The following MRE11 variants were observed in gnomAD, a reference collection of about 807,000 sequenced individuals.
MRE11 encodes the protein MRE11 double strand break repair nuclease, also known as double-strand break repair protein MRE11.
A neutral mutation model predicts 91.7 loss-of-function variants in MRE11; 62 were observed. That is an observed-to-expected ratio of 0.68 (90% CI 0.55 to 0.84). The LOEUF (loss-of-function observed/expected upper bound fraction) is 0.84, where lower values mean the gene tolerates loss of function less well. Ranked by LOEUF, MRE11 falls within the 40% of genes least tolerant of loss-of-function variation. The probability of loss-of-function intolerance (pLI) is 0.00; values close to 1 mark genes in which losing one functional copy is unlikely to be tolerated. For synonymous variants in MRE11, 273 were observed against 271.4 expected, an observed-to-expected ratio of 1.01 and a Z score of -0.06; for missense variants, 796 against 852.9, an observed-to-expected ratio of 0.93 and a Z score of 0.83.
upstream of MRE11, among the ~76,000 whole-genome samples, chr11:94,494,826 G>T (rs13447576): frequency 3.7e-3 from 569 of 152,236 alleles, no homozygotes; most frequent in Non-Finnish European, 4.9e-3. Flanking sequence ...GTGGTATAAG[G>T]TTACTATATT....
At chr11:94,451,292 A>G (rs1317151074) in intron 14 of MRE11, among the ~76,000 whole-genome samples, 2 of 152,182 alleles carry the variant, frequency 1.3e-5, no homozygotes, top group Non-Finnish European at 2.9e-5. Context: ...AAGGTGGGAA[A>G]AAAACAGGTT....
At chr11:94,450,000 TTCAAATGACCCCC>T (rs1946056056) in intron 14 of MRE11, among the ~76,000 whole-genome samples, 1 of 152,190 alleles carries the variant, frequency 6.6e-6, no homozygotes, top group Admixed American at 6.5e-5. Flanking sequence ...ATGTGGTGTT[TTCAAATGACCCCC>T]TCAACATGTT....
At chr11:94,451,064 C>A (rs372804708) in intron 14 of MRE11, among the ~76,000 whole-genome samples, 2 of 151,890 alleles carry the variant, frequency 1.3e-5, no homozygotes, top group Non-Finnish European at 2.9e-5. Flanking sequence ...TCAGGAAGAT[C>A]ACTTGAGCCC....
At chr11:94,453,173 G>T (rs1946159772) in intron 14 of MRE11, among the ~76,000 whole-genome samples, 1 of 151,748 alleles carries the variant, frequency 6.6e-6, no homozygotes, top group Non-Finnish European at 1.5e-5. Flanking sequence ...TCCTTTTCAA[G>T]ACTGAATAAT....
At chr11:94,499,291 T>TA in the MRE11 span, 8 of 152,654 alleles carry the variant, frequency 5.2e-5, no homozygotes, top group Non-Finnish European at 1.2e-4. Context: ...GATCATAATA[T>TA]ATCTGCTATC....
chr11:94,465,019 T>G (rs1372444154), intron 10 of MRE11, among the ~76,000 whole-genome samples: 2 of 152,174 alleles, frequency 1.3e-5, no homozygotes, highest in Non-Finnish European at 2.9e-5. Context: ...GTGTATCATG[T>G]CTCTCTTTGC....
At chr11:94,457,507 C>A (rs778304754) in intron 13 of MRE11, among the ~76,000 whole-genome samples, 3 of 151,568 alleles carry the variant, frequency 2.0e-5, no homozygotes, top group Non-Finnish European at 2.9e-5. Context: ...AGGAAAAATA[C>A]AAGAATAACA....
intron 16 of MRE11, among the ~76,000 whole-genome samples, chr11:94,443,818 A>AAAT (rs1462012514): frequency 6.6e-6 from 1 of 152,184 alleles, no homozygotes; most frequent in Non-Finnish European, 1.5e-5. Flanking sequence ...TAAACAGATC[A>AAAT]AATCTATTCA....
intron 10 of MRE11, chr11:94,466,727 C>G (rs1946574321): frequency 5.0e-6 from 1 of 198,320 alleles, no homozygotes; most frequent in Non-Finnish European, 1.1e-5. Context: ...TGAACATATA[C>G]ATTTCTTGGA....
chr11:94,511,490 C>T, the MRE11 span, among the ~76,000 whole-genome samples: 17 of 152,142 alleles, frequency 1.1e-4, no homozygotes, highest in Non-Finnish European at 1.8e-4. Context: ...GCCAAAATTT[C>T]AATTTATCTA....
At chr11:94,431,053 C>T (rs768235785) in intron 18 of MRE11, among the ~76,000 whole-genome samples, 1 of 152,118 alleles carries the variant, frequency 6.6e-6, no homozygotes, top group Non-Finnish European at 1.5e-5. Flanking sequence ...TGCTGATTCC[C>T]GTCTTCAATA....
At chr11:94,466,450 T>C (rs751984924) in intron 10 of MRE11, 22 of 528,114 alleles carry the variant, frequency 4.2e-5, no homozygotes, top group Non-Finnish European at 8.2e-5. Context: ...TTACCTACTG[T>C]GCAACAGACA....
At chr11:94,422,385 T>C (rs1359350009) in intron 19 of MRE11, among the ~76,000 whole-genome samples, 1 of 152,142 alleles carries the variant, frequency 6.6e-6, no homozygotes, top group African/African-American at 2.4e-5. Context: ...CCTGAATACC[T>C]GTATGTCATG....
chr11:94,418,036 A>G lies in MRE11; in HGVS notation c.*2089T>C. On this transcript the variant is annotated 3_prime_UTR_variant, in exon 20 of 20. Coordinates refer to ENST00000323929, the MANE Select transcript of MRE11 (RefSeq NM_005591.4). ...GCTCTCCCAAAGCCTCCAAGAGCAA[A>G]TGCAGCTGCTTTCAAATCATCTGAA... 1 of 233,098 alleles carries G rather than the reference A, an allele frequency of 4.3e-6. No individual in the cohort carries two copies. The highest frequency in any genetic ancestry group is 8.5e-6 in the Non-Finnish European group (1 of 117,988). 14.4% of individuals were successfully genotyped at this position (233,098 alleles called of 1,614,324 possible).
chr11:94,502,625 G>C, the MRE11 span, among the ~76,000 whole-genome samples: 1 of 151,934 alleles, frequency 6.6e-6, no homozygotes, highest in Admixed American at 6.6e-5. Flanking sequence ...CACATATGAA[G>C]TATATGTTGT....
At chr11:94,482,453 C>T (rs1417041397) in intron 4 of MRE11, among the ~76,000 whole-genome samples, 1 of 152,112 alleles carries the variant, frequency 6.6e-6, no homozygotes. Flanking sequence ...CACTCACTGA[C>T]ACTCCATGAA....
chr11:94,420,363 A>C (rs1484860194), intron 19 of MRE11, among the ~76,000 whole-genome samples, 182 bp from the exon 20 acceptor site: 1 of 152,250 alleles, frequency 6.6e-6, no homozygotes, highest in Non-Finnish European at 1.5e-5. Context: ...TGAGCATTAA[A>C]ATGAAAATTT....
At chr11:94,489,662 G>A (rs1947234865) in intron 3 of MRE11, among the ~76,000 whole-genome samples, 1 of 152,138 alleles carries the variant, frequency 6.6e-6, no homozygotes, top group Non-Finnish European at 1.5e-5. Context: ...TAAGGACCTA[G>A]CAGATAAACT....
In MRE11 at chr11:94,428,723, C is replaced by T. The variant is rs112821875; in HGVS notation, c.2070+1188G>A. Among the ~76,000 whole-genome samples the T allele has an allele frequency of 6.7e-3, 1,025 of 152,050 alleles. 7 individuals are homozygous for T. Among genetic ancestry groups the T allele is most frequent in the Admixed American group, 0.011 (171 of 15,264 alleles). ...CTAAAGATTCAAAAAATTAGCTAGG[C>T]GTGGTGATGCGCACCTGTAATCCCA... On this transcript the variant is annotated intron_variant, in intron 19 of 19. Transcript: ENST00000323929.
Sources: gnomAD v4.1 joint callset for allele counts (sites outside exome capture counted in the v4.1 genomes callset) on GRCh38, gnomAD v4.1.1 for gene constraint, MANE v1.5 for transcripts, NCBI Gene and HGNC (gene_info 2026-07-23, HGNC 2026-07-21) for gene names.